TRAPPC11: variants seen among roughly 807,000 people sequenced by gnomAD.
TRAPPC11 encodes the protein trafficking protein particle complex subunit 11, also known as foie gras homolog.
A neutral mutation model predicts 151.2 loss-of-function variants in TRAPPC11; 104 were observed. The observed-to-expected ratio is 0.69, with a 90% CI of 0.59 to 0.81. The LOEUF is 0.81. Ranked by LOEUF, TRAPPC11 falls within the 30% of genes least tolerant of loss-of-function variation. TRAPPC11 has a pLI of 0.00. For synonymous variants in TRAPPC11, 456 were observed against 472.3 expected (o/e 0.97, Z 0.45); for missense variants, 1,230 against 1,349.6 (o/e 0.91, Z 1.39).
At chr4:183,662,354 C>CAAAAAA (rs202105209) in intron 1 of TRAPPC11, among the ~76,000 whole-genome samples, 6 of 110,240 alleles carry the variant, frequency 5.4e-5, no homozygotes, top group Admixed American at 9.6e-5. Context: ...TACTCCGTCT[C>CAAAAAA]AAAAAAAAAA....
At chr4:183,697,425 T>C in intron 23 of TRAPPC11, 78 bp from the exon 24 acceptor site, 1 of 1,302,420 alleles carries the variant, frequency 7.7e-7, no homozygotes, top group Non-Finnish European at 1.1e-6. Flanking sequence ...TATTGATCAG[T>C]GATAGGTTGT....
intron 25 of TRAPPC11, among the ~76,000 whole-genome samples, chr4:183,700,046 G>A (rs112213536): frequency 1.3e-5 from 2 of 151,994 alleles, no homozygotes; most frequent in African/African-American, 4.8e-5. Context: ...TCTCCTGACC[G>A]CGTGATCTGC....
chr4:183,697,409 A>G, intron 23 of TRAPPC11, 94 bp from the exon 24 acceptor site: 1 of 1,147,564 alleles, frequency 8.7e-7, no homozygotes, highest in Admixed American at 2.6e-5. Context: ...ATAATTTGGG[A>G]TTATTTATTG....
At chr4:183,680,037 T>G in intron 9 of TRAPPC11, 83 bp from the exon 10 acceptor site, 1 of 1,228,098 alleles carries the variant, frequency 8.1e-7, no homozygotes, top group Non-Finnish European at 1.2e-6. Context: ...TCTGCTGAGG[T>G]TAAGTTTCCC....
intron 26 of TRAPPC11, among the ~76,000 whole-genome samples, chr4:183,704,230 G>C (rs6828431): frequency 0.26 from 40,250 of 152,066 alleles, 5,772 homozygotes; most frequent in African/African-American, 0.38. Context: ...CATTAATAAT[G>C]TTTTGGGAGG....
chr4:183,662,288 G>GGA (rs1015413725), intron 1 of TRAPPC11, among the ~76,000 whole-genome samples: 1 of 150,614 alleles, frequency 6.6e-6, no homozygotes, highest in Non-Finnish European at 1.5e-5. Context: ...CCCGGGAGGT[G>GGA]GAGGTTGTAG....
intron 10 of TRAPPC11, among the ~76,000 whole-genome samples, chr4:183,682,128 C>A (rs538740743): frequency 2.2e-4 from 33 of 152,272 alleles, no homozygotes; most frequent in African/African-American, 7.5e-4. Flanking sequence ...CATGTGAAAT[C>A]TGGAAGAATG....
At chr4:183,673,578 G>A (rs1219879922) in intron 5 of TRAPPC11, among the ~76,000 whole-genome samples, 1 of 152,118 alleles carries the variant, frequency 6.6e-6, no homozygotes, top group Non-Finnish European at 1.5e-5. Context: ...GGAGGCTGAG[G>A]TGGGTAGATC....
At chr4:183,696,085 C>T (rs1736522328) in intron 23 of TRAPPC11, among the ~76,000 whole-genome samples, 2 of 152,156 alleles carry the variant, frequency 1.3e-5, no homozygotes, top group East Asian at 1.9e-4. Context: ...AAAGGAAATG[C>T]TCCCAGGAGC....
In TRAPPC11 at chr4:183,674,821, T is replaced by C. The variant is rs774674259; in HGVS notation, c.660+9T>C. On this transcript the variant is annotated intron_variant, in intron 6 of 29. Coordinates refer to ENST00000334690, the MANE Select transcript of TRAPPC11 (RefSeq NM_021942.6). ...ATAAAACAACACACCAGGTGCGTGA[T>C]TTTTTGCAATAATAGAAGCATTCTG... 3.6e-5 allele frequency: 54 copies of C among 1,520,668 alleles called. 1 individual carries two copies. In the Middle Eastern group the frequency reaches 1.4e-3, roughly 38 times the overall value. The allele number at this position is 1,520,668 out of a possible 1,614,324, so 94.2% of individuals were successfully genotyped here. A position where few individuals can be genotyped will look rare whatever the true frequency, so the allele number is the denominator to read the frequency against.
chr4:183,691,649 C>G (rs1736266360), intron 19 of TRAPPC11, among the ~76,000 whole-genome samples, 178 bp downstream of exon 19: 1 of 151,974 alleles, frequency 6.6e-6, no homozygotes, highest in Admixed American at 6.6e-5. Context: ...TGTGAACATA[C>G]TTGTAGTTTA....
chr4:183,685,029 G>A, intron 15 of TRAPPC11, 55 bp from the exon 16 acceptor site: 3 of 1,527,904 alleles, frequency 2.0e-6, no homozygotes, highest in East Asian at 2.3e-5. Flanking sequence ...ATAAATGGGG[G>A]TAGTAGACTT....
chr4:183,665,071 C>T (rs1019712329), intron 2 of TRAPPC11, among the ~76,000 whole-genome samples: 3 of 149,640 alleles, frequency 2.0e-5, no homozygotes, highest in Non-Finnish European at 3.0e-5. Context: ...GGCCCTCACA[C>T]GATTATTTTT....
Position 183,712,598 on chromosome 4 carries a change from AG to A in TRAPPC11, c.3358-1del. On this transcript the variant is annotated splice_acceptor_variant, in intron 29 of 29. Transcript: ENST00000334690. LOFTEE classifies it high-confidence loss of function. Reference sequence around the variant, plus strand: ...ACCCACTTTGTTTTTCCCACTTTAAAGCCACAGGGTCGACTCATGGATGATA... The same window carrying A: ...ACCCACTTTGTTTTTCCCACTTTAAACCACAGGGTCGACTCATGGATGATA... 3.7e-6 allele frequency: 6 copies of A among 1,614,066 alleles called. No homozygotes were observed. Among genetic ancestry groups the A allele is most frequent in the Non-Finnish European group, 5.1e-6 (6 of 1,179,994 alleles).
chr4:183,694,928 T>G (rs540990780), intron 23 of TRAPPC11, among the ~76,000 whole-genome samples: 2 of 151,786 alleles, frequency 1.3e-5, no homozygotes, highest in Admixed American at 6.6e-5. Context: ...AACAGAAAAT[T>G]AGCTTATATG....
intron 29 of TRAPPC11, among the ~76,000 whole-genome samples, chr4:183,710,242 T>G (rs1276991164): frequency 1.3e-5 from 2 of 152,046 alleles, no homozygotes; most frequent in Non-Finnish European, 2.9e-5. Flanking sequence ...AAGGTAAACC[T>G]CTTCTGGGTA....
intron 29 of TRAPPC11, 30 bp from the exon 30 acceptor site, chr4:183,712,570 T>G: frequency 6.2e-7 from 1 of 1,609,552 alleles, no homozygotes; most frequent in Non-Finnish European, 8.5e-7. Flanking sequence ...TATAATTTTG[T>G]AAACCCACTT....
At chr4:183,675,887 T>C (rs1294760400) in intron 7 of TRAPPC11, among the ~76,000 whole-genome samples, 2 of 152,232 alleles carry the variant, frequency 1.3e-5, no homozygotes, top group African/African-American at 2.4e-5. Context: ...TTTAGTCCTT[T>C]GCTTTTACGA....
chr4:183,675,967 C>G (rs780294550), intron 7 of TRAPPC11, among the ~76,000 whole-genome samples: 1 of 151,906 alleles, frequency 6.6e-6, no homozygotes, highest in Non-Finnish European at 1.5e-5. Context: ...GTATTAAAAA[C>G]AGCTATTTAT....
Sources: gnomAD v4.1 joint callset for allele counts (sites outside exome capture counted in the v4.1 genomes callset) on GRCh38, gnomAD v4.1.1 for gene constraint, MANE v1.5 for transcripts, NCBI Gene and HGNC (gene_info 2026-07-23, HGNC 2026-07-21) for gene names.